The following CNTNAP5 variants were observed in gnomAD, a reference collection of about 807,000 sequenced individuals.
CNTNAP5 encodes the protein contactin-associated protein-like 5.
In CNTNAP5, 72 loss-of-function variants were observed where a neutral mutation model predicts 150.2. That is an observed-to-expected ratio of 0.48 (90% confidence interval 0.40 to 0.58). The LOEUF (loss-of-function observed/expected upper bound fraction) is 0.58. Among genes scored for constraint, CNTNAP5 ranks in the 20% least tolerant of loss-of-function variants. CNTNAP5 has a pLI of 0.00. For synonymous variants in CNTNAP5, 672 were observed against 619.8 expected (o/e 1.08, Z -1.25); for missense variants, 1,636 against 1,626.2 (o/e 1.01, Z -0.10).
intron 14 of CNTNAP5, among the ~76,000 whole-genome samples, chr2:124,761,555 C>T (rs544069408): frequency 6.6e-6 from 1 of 152,214 alleles, no homozygotes; most frequent in African/African-American, 2.4e-5. Flanking sequence ...GTGAGTACTA[C>T]AGGCCTGTTT....
At chr2:124,773,087 A>G (rs1228436645) in intron 17 of CNTNAP5, 70 bp downstream of exon 17, 1 of 1,234,294 alleles carries the variant, frequency 8.1e-7, no homozygotes, top group Non-Finnish European at 1.2e-6. Flanking sequence ...GCCCAAGAAA[A>G]AATTCTCTTT....
intron 13 of CNTNAP5, among the ~76,000 whole-genome samples, chr2:124,736,611 A>C (rs1001733332): frequency 6.6e-6 from 1 of 152,224 alleles, no homozygotes; most frequent in Non-Finnish European, 1.5e-5. Flanking sequence ...CATTTATTCA[A>C]AGGCTTAATA....
chr2:124,763,567 C>CAA, intron 14 of CNTNAP5, 105 bp from the exon 15 acceptor site: 1 of 1,068,860 alleles, frequency 9.4e-7, no homozygotes, highest in Non-Finnish European at 1.4e-6. Context: ...CTGCCCCTAC[C>CAA]CTGCTGCAAC....
intron 3 of CNTNAP5, among the ~76,000 whole-genome samples, chr2:124,369,961 C>T (rs533588290): frequency 7.2e-5 from 11 of 152,134 alleles, no homozygotes; most frequent in African/African-American, 2.7e-4. Context: ...ACAAAGTGGT[C>T]ATAACAATAC....
intron 19 of CNTNAP5, among the ~76,000 whole-genome samples, chr2:124,820,417 C>T (rs1001624253): frequency 6.6e-6 from 1 of 151,838 alleles, no homozygotes; most frequent in African/African-American, 2.4e-5. Flanking sequence ...GACCTGCTCT[C>T]CCTCACCAGT....
chr2:124,897,969 GTGTGTGTGTA>G (rs1182482831), intron 21 of CNTNAP5, among the ~76,000 whole-genome samples: 13 of 145,226 alleles, frequency 9.0e-5, no homozygotes, highest in African/African-American at 3.1e-4. Context: ...GTGTGTGTGT[GTGTGTGTGTA>G]TGTGTGTGTA....
At position 124,647,860 on chromosome 2, in the gene CNTNAP5, G is replaced by C; in HGVS notation, c.1979G>C (p.Gly660Ala). The C allele has an allele frequency of 6.2e-7, 1 of 1,613,446 alleles. No homozygotes were observed. ...TATGCCATGGCCTTGGACTACGGGG[G>C]CAGCATGGAACAGCTGGAGGCCGTG... ...KPYAMALDYG[G>A]SMEQLEAVID... Residue 660 changes from glycine (G) to alanine (A), a missense_variant, in exon 13 of 24, where the codon GGC (glycine) becomes GCC (alanine). Gly to Ala is a moderately conservative substitution (Grantham distance 60). Coordinates refer to ENST00000682447, the MANE Select transcript of CNTNAP5 (RefSeq NM_001367498.1).
chr2:124,101,279 TAA>T (rs1683056032), intron 1 of CNTNAP5, among the ~76,000 whole-genome samples: 1 of 152,188 alleles, frequency 6.6e-6, no homozygotes, highest in South Asian at 2.1e-4. Flanking sequence ...ATGAAAAAGC[TAA>T]GATAAATTAA....
chr2:124,598,625 G>T (rs1267434360), intron 11 of CNTNAP5, among the ~76,000 whole-genome samples: 2 of 150,534 alleles, frequency 1.3e-5, no homozygotes, highest in Non-Finnish European at 3.0e-5. Flanking sequence ...CCCAGAGGTG[G>T]AGCCTACAGA....
At chr2:124,498,223 C>G (rs555737564) in intron 7 of CNTNAP5, among the ~76,000 whole-genome samples, 93 of 152,304 alleles carry the variant, frequency 6.1e-4, no homozygotes, top group African/African-American at 1.8e-3. Context: ...CGGTTTGCTT[C>G]TGGTTTTCAT....
rs114572281 is a variant in CNTNAP5, at chr2:124,052,978, G to A, written c.82+27246G>A. On this transcript the variant is annotated intron_variant, in intron 1 of 23. Transcript: ENST00000682447. ...CCTTCAAGACATGGTTCAGAAAGTC[G>A]TCCAGAAAGTCTTCCCTGGCCCTCC... Among the ~76,000 whole-genome samples, 1,195 of 152,088 alleles carry A rather than the reference G, an allele frequency of 7.9e-3. 13 individuals carry two copies. The highest frequency in any genetic ancestry group is 0.012 in the Non-Finnish European group (838 of 67,998).
chr2:124,699,656 C>G (rs1573555690), intron 13 of CNTNAP5, among the ~76,000 whole-genome samples: 1 of 152,128 alleles, frequency 6.6e-6, no homozygotes, highest in Non-Finnish European at 1.5e-5. Context: ...CATGAATGCT[C>G]TTAGCAATCC....
At chr2:124,067,608 G>A (rs1432945876) in intron 1 of CNTNAP5, among the ~76,000 whole-genome samples, 1 of 152,178 alleles carries the variant, frequency 6.6e-6, no homozygotes, top group Non-Finnish European at 1.5e-5. Context: ...ACAGGTTCAA[G>A]AAATTAGAGC....
At position 124,045,668 on chromosome 2, in the gene CNTNAP5, G is replaced by A. The variant is rs111329047; in HGVS notation, c.82+19936G>A. Reference sequence around the variant, plus strand: ...AATGTCTTATCTCTTAACACCCTCCGATTTTAAAAATGCACTGTGTAGACA... The same window carrying A: ...AATGTCTTATCTCTTAACACCCTCCAATTTTAAAAATGCACTGTGTAGACA... On this transcript the variant is annotated intron_variant, in intron 1 of 23. Transcript: ENST00000682447. Among the ~76,000 whole-genome samples the A allele has an allele frequency of 5.0e-3, 760 of 152,118 alleles. 2 individuals carry two copies. The highest frequency in any genetic ancestry group is 6.7e-3 in the Non-Finnish European group (459 of 68,002).
chr2:124,442,973 C>T (rs1452913444), intron 5 of CNTNAP5, among the ~76,000 whole-genome samples: 1 of 152,074 alleles, frequency 6.6e-6, no homozygotes, highest in Admixed American at 6.5e-5. Flanking sequence ...GGTAAAGGCA[C>T]TCCTAGGCAT....
chr2:124,606,619 G>C lies in CNTNAP5; in HGVS notation c.1757-3182G>C, dbSNP rs146182975. ...ACTGCGCAATTTACAAAAGAAAGAG[G>C]TTTAATTGGACTCACAGTTCCCCAT... On this transcript the variant is annotated intron_variant, in intron 11 of 23. Coordinates refer to ENST00000682447, the MANE Select transcript of CNTNAP5 (RefSeq NM_001367498.1). Among the ~76,000 whole-genome samples the C allele has an allele frequency of 1.9e-3, 282 of 152,280 alleles. 4 individuals are homozygous for C. Among genetic ancestry groups the C allele is most frequent in the African/African-American group, 6.6e-3 (274 of 41,552 alleles).
intron 3 of CNTNAP5, among the ~76,000 whole-genome samples, chr2:124,355,024 C>T (rs1474171956): frequency 6.6e-6 from 1 of 151,320 alleles, no homozygotes; most frequent in Non-Finnish European, 1.5e-5. Flanking sequence ...GTCTCCATGT[C>T]CCATATCAAT....
At chr2:124,829,943 T>C (rs961178253) in intron 19 of CNTNAP5, among the ~76,000 whole-genome samples, 20 of 151,688 alleles carry the variant, frequency 1.3e-4, no homozygotes, top group Non-Finnish European at 2.7e-4. Context: ...GTCTTTAGAA[T>C]ACTCACATTA....
At chr2:124,216,046 G>A (rs1237570066) in intron 1 of CNTNAP5, among the ~76,000 whole-genome samples, 2 of 152,066 alleles carry the variant, frequency 1.3e-5, no homozygotes, top group African/African-American at 4.8e-5. Context: ...AAAGTGAAAG[G>A]CTTGGAACCT....
Sources: gnomAD v4.1 joint callset for allele counts (sites outside exome capture counted in the v4.1 genomes callset) on GRCh38, gnomAD v4.1.1 for gene constraint, MANE v1.5 for transcripts, NCBI Gene and HGNC (gene_info 2026-07-23, HGNC 2026-07-21) for gene names.